HDAC9: variants seen among roughly 807,000 people sequenced by gnomAD.
The protein encoded by HDAC9 is MEF-2 interacting transcription repressor (MITR) protein.
In HDAC9, 41 loss-of-function variants were observed where a neutral mutation model predicts 139.4. That is an observed-to-expected ratio of 0.29 (90% CI 0.23 to 0.38). HDAC9 has a LOEUF of 0.38. Ranked by LOEUF, HDAC9 falls within the 10% of genes least tolerant of loss-of-function variation. The pLI is 1.00. For synonymous variants in HDAC9, 517 were observed against 476.2 expected, an observed-to-expected ratio of 1.09 and a Z score of -1.12; for missense variants, 1,147 against 1,297.0, an observed-to-expected ratio of 0.88 and a Z score of 1.78.
chr7:18,235,128 C>T (rs1256316030), intron 2 of HDAC9, among the ~76,000 whole-genome samples: 1 of 152,166 alleles, frequency 6.6e-6, no homozygotes, highest in African/African-American at 2.4e-5. Flanking sequence ...TGTGGAAAAT[C>T]ACTGCTGCAG....
chr7:18,134,419 T>C (rs948954321), intron 1 of HDAC9, among the ~76,000 whole-genome samples: 1 of 152,194 alleles, frequency 6.6e-6, no homozygotes, highest in African/African-American at 2.4e-5. Flanking sequence ...ATGGAGCTAG[T>C]GCTTAATTTC....
intron 12 of HDAC9, among the ~76,000 whole-genome samples, chr7:18,691,564 G>A (rs999391267): frequency 6.6e-6 from 1 of 152,004 alleles, no homozygotes; most frequent in African/African-American, 2.4e-5. Context: ...TAAAGGGGAA[G>A]AAAACACAGA....
intron 22 of HDAC9, among the ~76,000 whole-genome samples, chr7:18,908,304 A>G (rs962875390): frequency 5.3e-5 from 8 of 152,134 alleles, no homozygotes; most frequent in African/African-American, 1.7e-4. Flanking sequence ...ATTTTGATAC[A>G]TCTCTACAGT....
At chr7:18,966,430 CG>C (rs1200954061) in intron 24 of HDAC9, among the ~76,000 whole-genome samples, 1 of 152,032 alleles carries the variant, frequency 6.6e-6, no homozygotes, top group African/African-American at 2.4e-5. Flanking sequence ...GGTCGGGAGC[CG>C]GTGGCTCACG....
At chr7:18,804,899 A>T (rs1308787066) in intron 17 of HDAC9, among the ~76,000 whole-genome samples, 1 of 152,096 alleles carries the variant, frequency 6.6e-6, no homozygotes, top group East Asian at 1.9e-4. Context: ...GGCTTAAGTG[A>T]TTCTCCAGCC....
At chr7:18,297,603 A>G (rs1014632049) in intron 1 of HDAC9, among the ~76,000 whole-genome samples, 85 of 152,224 alleles carry the variant, frequency 5.6e-4, no homozygotes, top group Non-Finnish European at 1.2e-3. Context: ...ATAACATTCT[A>G]AACTAGGTTA....
At chr7:18,233,049 G>T (rs1003988521) in intron 2 of HDAC9, among the ~76,000 whole-genome samples, 2 of 152,006 alleles carry the variant, frequency 1.3e-5, no homozygotes, top group Admixed American at 1.3e-4. Context: ...AAAAATTGTT[G>T]CCCCCAAACA....
chr7:18,739,934 C>A (rs1341892953), intron 13 of HDAC9, among the ~76,000 whole-genome samples: 2 of 152,190 alleles, frequency 1.3e-5, no homozygotes, highest in Non-Finnish European at 2.9e-5. Context: ...CCAGTTTGAG[C>A]TTCCCAGCTG....
intron 1 of HDAC9, among the ~76,000 whole-genome samples, chr7:18,314,721 T>A (rs575978314): frequency 1.2e-4 from 19 of 152,338 alleles, no homozygotes; most frequent in African/African-American, 4.6e-4. Flanking sequence ...GTTGTCATGG[T>A]TGATATTACA....
chr7:18,679,445 G>A (rs1005620918), intron 12 of HDAC9, among the ~76,000 whole-genome samples: 15 of 151,620 alleles, frequency 9.9e-5, no homozygotes, highest in South Asian at 2.1e-4. Context: ...TCCATTTAAA[G>A]AATTAGACTT....
chr7:18,793,850 G>A (rs1203556078), intron 17 of HDAC9, among the ~76,000 whole-genome samples: 1 of 152,186 alleles, frequency 6.6e-6, no homozygotes, highest in African/African-American at 2.4e-5. Context: ...CCCAGAGAGA[G>A]GGAGGCAGAG....
At chr7:18,307,408 T>TA (rs1447764718) in intron 1 of HDAC9, among the ~76,000 whole-genome samples, 1 of 152,150 alleles carries the variant, frequency 6.6e-6, no homozygotes, top group Non-Finnish European at 1.5e-5. Flanking sequence ...AAGACCATTA[T>TA]AAAAAAATTC....
intron 2 of HDAC9, among the ~76,000 whole-genome samples, chr7:18,233,054 C>T (rs557522542): frequency 9.2e-5 from 14 of 152,086 alleles, no homozygotes; most frequent in Non-Finnish European, 1.8e-4. Flanking sequence ...TTGTTGCCCC[C>T]AAACAGCCTT....
intron 2 of HDAC9, among the ~76,000 whole-genome samples, chr7:18,517,503 T>C (rs1803617838): frequency 6.6e-6 from 1 of 152,164 alleles, no homozygotes; most frequent in Non-Finnish European, 1.5e-5. Flanking sequence ...TCTTTTACAG[T>C]CTAGAGTCTA....
At chr7:18,693,247 CA>C (rs1320626414) in intron 12 of HDAC9, among the ~76,000 whole-genome samples, 1 of 151,888 alleles carries the variant, frequency 6.6e-6, no homozygotes. Flanking sequence ...CCAAACCAAA[CA>C]AAAATAGCAT....
intron 2 of HDAC9, among the ~76,000 whole-genome samples, chr7:18,231,646 C>T (rs772450511): frequency 2.2e-4 from 34 of 152,150 alleles, no homozygotes; most frequent in Non-Finnish European, 3.8e-4. Context: ...TCATTCTCCA[C>T]TTTTTGATAA....
chr7:18,979,224 C>A (rs1218833270), intron 25 of HDAC9, among the ~76,000 whole-genome samples: 1 of 152,012 alleles, frequency 6.6e-6, no homozygotes, highest in East Asian at 1.9e-4. Flanking sequence ...GTGTAATAAT[C>A]AGCTAAATCC....
chr7:18,440,266 A>T (rs1443199149), intron 1 of HDAC9, among the ~76,000 whole-genome samples: 6 of 149,938 alleles, frequency 4.0e-5, no homozygotes, highest in African/African-American at 1.5e-4. Context: ...CTCACCGCAA[A>T]CTCCGCCTCC....
At chr7:18,513,691 A>T (rs1464497589) in intron 2 of HDAC9, among the ~76,000 whole-genome samples, 2 of 152,208 alleles carry the variant, frequency 1.3e-5, no homozygotes, top group African/African-American at 4.8e-5. Context: ...CTGTGTGGAG[A>T]TAGGTAATCT....
Sources: allele counts gnomAD v4.1 joint callset (sites outside exome capture counted in the v4.1 genomes callset), GRCh38; gene constraint gnomAD v4.1.1; transcripts MANE v1.5; gene names NCBI Gene and HGNC (gene_info 2026-07-23, HGNC 2026-07-21).